DMXL1: variants seen among roughly 807,000 people sequenced by gnomAD.
DMXL1 encodes Dmx like 1.
In DMXL1, 99 loss-of-function variants were observed where a neutral mutation model predicts 319.2. That is an observed-to-expected ratio of 0.31 (90% CI 0.26 to 0.37). The LOEUF is 0.37. Ranked by LOEUF, DMXL1 falls within the 10% of genes least tolerant of loss-of-function variation. DMXL1 has a pLI of 1.00. For synonymous variants in DMXL1, 1,385 were observed against 1,235.2 expected (o/e 1.12, Z -2.54); for missense variants, 3,745 against 3,595.6 (o/e 1.04, Z -1.06).
At chr5:119,210,757 G>GTTTTTTT in intron 34 of DMXL1, among the ~76,000 whole-genome samples, 6 of 89,780 alleles carry the variant, frequency 6.7e-5, no homozygotes, top group East Asian at 3.5e-4. Flanking sequence ...TTTTTCTTTC[G>GTTTTTTT]TTTTTTTTTT....
chr5:119,193,248 T>A (rs1779009075), intron 29 of DMXL1, among the ~76,000 whole-genome samples: 1 of 152,168 alleles, frequency 6.6e-6, no homozygotes, highest in African/African-American at 2.4e-5. Context: ...CATTTGCTAT[T>A]CTCTCCAACC....
intron 19 of DMXL1, 71 bp downstream of exon 19, chr5:119,152,107 CTTGTTT>C: frequency 1.0e-6 from 1 of 998,886 alleles, no homozygotes; most frequent in Non-Finnish European, 1.5e-6. Flanking sequence ...AGTTTTTAAA[CTTGTTT>C]TTACCCAAAA....
At chr5:119,097,184 T>C (rs1756159785) in intron 1 of DMXL1, among the ~76,000 whole-genome samples, 1 of 152,214 alleles carries the variant, frequency 6.6e-6, no homozygotes, top group South Asian at 2.1e-4. Context: ...GATGGGTTTA[T>C]AGAAGGACCA....
chr5:119,234,591 G>A (rs1045302882), intron 39 of DMXL1, among the ~76,000 whole-genome samples: 1 of 152,038 alleles, frequency 6.6e-6, no homozygotes, highest in African/African-American at 2.4e-5. Flanking sequence ...ATACTAATTA[G>A]CAACATTCTT....
intron 7 of DMXL1, among the ~76,000 whole-genome samples, chr5:119,117,857 T>C (rs1027079303): frequency 1.3e-5 from 2 of 152,250 alleles, no homozygotes; most frequent in African/African-American, 4.8e-5. Flanking sequence ...ACAAAGTGGC[T>C]ACTAGACAAT....
intron 9 of DMXL1, among the ~76,000 whole-genome samples, chr5:119,126,432 C>G (rs1763588872): frequency 6.6e-6 from 1 of 152,072 alleles, no homozygotes. Context: ...TTGGAATATC[C>G]TCTCAACAGT....
intron 1 of DMXL1, chr5:119,081,615 A>G: frequency 2.0e-6 from 2 of 985,376 alleles, no homozygotes; most frequent in Non-Finnish European, 2.4e-6. Flanking sequence ...AGAAGTGTAG[A>G]TGAGAAGTTA....
At chr5:119,150,541 C>T (rs1769542898) in intron 18 of DMXL1, 120 bp downstream of exon 18, 6 of 1,144,154 alleles carry the variant, frequency 5.2e-6, no homozygotes, top group Non-Finnish European at 4.8e-6. Flanking sequence ...GTAAATTCAG[C>T]TCTTTGGGAG....
At chr5:119,131,410 A>G (rs543486225) in intron 10 of DMXL1, among the ~76,000 whole-genome samples, 1 of 152,278 alleles carries the variant, frequency 6.6e-6, no homozygotes, top group East Asian at 1.9e-4. Flanking sequence ...CCATAAATGC[A>G]TTTCCTTGAA....
In DMXL1 at chr5:119,244,511, A is replaced by G; in HGVS notation, c.8857A>G (p.Lys2953Glu). 6.2e-7 allele frequency: 1 copy of G among 1,614,166 alleles called. No homozygotes were observed. Among genetic ancestry groups the G allele is most frequent in the South Asian group, 1.1e-5 (1 of 91,088 alleles). ...QLFQSHDSPV[K>E]AVAVDPTEEY... ...TTTCCAGAGCCATGATTCTCCTGTT[A>G]AAGCCGTTGCTGTTGATCCAACTGA... Residue 2953 changes from lysine to glutamate, a missense_variant, in exon 43 of 44, where the codon AAA becomes GAA. Transcript: ENST00000539542.
chr5:119,142,600 A>C (rs1306024638), intron 13 of DMXL1, among the ~76,000 whole-genome samples: 1 of 152,012 alleles, frequency 6.6e-6, no homozygotes, highest in Non-Finnish European at 1.5e-5. Context: ...AGTGTAAATT[A>C]ATTCAACCGT....
At chr5:119,207,621 C>T (rs1042958729) in intron 34 of DMXL1, among the ~76,000 whole-genome samples, 1 of 152,116 alleles carries the variant, frequency 6.6e-6, no homozygotes, top group African/African-American at 2.4e-5. Flanking sequence ...CAGGTTCAAG[C>T]GATTCTCCTG....
At chr5:119,132,774 G>T in intron 10 of DMXL1, 1 of 544,276 alleles carries the variant, frequency 1.8e-6, no homozygotes, top group South Asian at 1.4e-5. Flanking sequence ...AAAGGTAAAC[G>T]ATTAATTTGA....
chr5:119,086,385 T>C (rs951615281), intron 1 of DMXL1, among the ~76,000 whole-genome samples: 16 of 152,220 alleles, frequency 1.1e-4, no homozygotes, highest in African/African-American at 3.6e-4. Flanking sequence ...CTTGGGTCCC[T>C]GGGATGAATG....
intron 27 of DMXL1, 101 bp from the exon 28 acceptor site, chr5:119,177,895 C>A: frequency 9.2e-7 from 1 of 1,085,550 alleles, no homozygotes; most frequent in South Asian, 2.0e-5. Flanking sequence ...GTATTAACTC[C>A]TGATGCAATA....
intron 24 of DMXL1, 146 bp downstream of exon 24, chr5:119,171,426 G>A: frequency 1.2e-6 from 1 of 804,358 alleles, no homozygotes; most frequent in South Asian, 2.0e-5. Context: ...TTCATATTAT[G>A]AATTATAGAG....
chr5:119,122,923 A>G (rs559603466), intron 9 of DMXL1, among the ~76,000 whole-genome samples: 6 of 152,254 alleles, frequency 3.9e-5, no homozygotes, highest in South Asian at 2.1e-4. Context: ...AGAGGCTGCA[A>G]TCTCGGCACT....
intron 1 of DMXL1, among the ~76,000 whole-genome samples, chr5:119,079,341 T>G (rs1168252192): frequency 6.6e-6 from 1 of 152,236 alleles, no homozygotes; most frequent in Admixed American, 6.5e-5. Context: ...TGTCCAGGGT[T>G]AATCAGTCTT....
chr5:119,130,689 T>G (rs1764671605), intron 10 of DMXL1, among the ~76,000 whole-genome samples: 1 of 152,172 alleles, frequency 6.6e-6, no homozygotes, highest in African/African-American at 2.4e-5. Context: ...TTTCATATCA[T>G]TGTATTTAAC....
Sources: allele counts gnomAD v4.1 joint callset (sites outside exome capture counted in the v4.1 genomes callset), GRCh38; gene constraint gnomAD v4.1.1; transcripts MANE v1.5; gene names NCBI Gene and HGNC (gene_info 2026-07-23, HGNC 2026-07-21).